The following CSE1L variants were observed in gnomAD, a reference collection of about 807,000 sequenced individuals.
CSE1L encodes exportin-2.
Under a neutral mutation model 120.4 loss-of-function variants are expected in CSE1L, and 24 were observed. The observed-to-expected ratio is 0.20, with a 90% CI of 0.14 to 0.28. The LOEUF is 0.28. CSE1L is among the 10% of genes least tolerant of loss of function. The pLI, the probability that CSE1L is intolerant of heterozygous loss-of-function variation, is 1.00. For missense variants in CSE1L, 830 were observed against 1,145.2 expected (o/e 0.72, Z 3.97); for synonymous variants, 402 against 398.3 (o/e 1.01, Z -0.11).
intron 14 of CSE1L, among the ~76,000 whole-genome samples, chr20:49,081,278 G>A (rs372609757): frequency 4.6e-5 from 7 of 151,636 alleles, no homozygotes; most frequent in East Asian, 3.9e-4. Context: ...GAGCTACCAC[G>A]CCCGGCCCAT....
At chr20:49,086,359 CTTTTTT>C (rs10648977) in intron 16 of CSE1L, among the ~76,000 whole-genome samples, 10 of 77,642 alleles carry the variant, frequency 1.3e-4, no homozygotes, top group East Asian at 3.4e-4. Context: ...GTTTAATGTC[CTTTTTT>C]TTTTTTTTTT....
chr20:49,047,885 T>G (rs951948578), intron 1 of CSE1L, among the ~76,000 whole-genome samples: 2 of 152,186 alleles, frequency 1.3e-5, no homozygotes, highest in Admixed American at 6.6e-5. Flanking sequence ...TTACTAACAC[T>G]TACTTATTGC....
intron 7 of CSE1L, among the ~76,000 whole-genome samples, chr20:49,069,999 A>T (rs755543065): frequency 4.6e-5 from 7 of 152,216 alleles, no homozygotes; most frequent in Non-Finnish European, 1.0e-4. Context: ...AGGTGGCATC[A>T]TTTATAGCAT....
At chr20:49,061,922 G>A (rs2091856446) in intron 2 of CSE1L, among the ~76,000 whole-genome samples, 2 of 152,098 alleles carry the variant, frequency 1.3e-5, no homozygotes, top group Non-Finnish European at 2.9e-5. Context: ...CTCAGGGATC[G>A]AGACTGACTG....
At chr20:49,054,448 T>A (rs1272433960) in intron 1 of CSE1L, among the ~76,000 whole-genome samples, 1 of 152,164 alleles carries the variant, frequency 6.6e-6, no homozygotes. Context: ...TGGTCAGCCG[T>A]CTGTCATTTC....
intron 2 of CSE1L, 33 bp downstream of exon 2, chr20:49,058,581 T>C (rs1337862054): frequency 4.5e-6 from 7 of 1,546,296 alleles, no homozygotes; most frequent in Non-Finnish European, 6.3e-6. Context: ...GGTTGATTAA[T>C]TCCTTCAGGA....
chr20:49,061,091 G>T lies in CSE1L; in HGVS notation c.86-2111G>T, dbSNP rs371195180. 9.9e-5 allele frequency among the ~76,000 whole-genome samples: 15 copies of T among 152,162 alleles called. 1 individual carries two copies. The highest frequency in any genetic ancestry group is 8.3e-4 in the South Asian group (4 of 4,824). ...TGTATAAAGAAGTAATGTGTTCCTGGATAAAGGGAAGTTAATGGCTCTAAT... is the reference window on the plus strand; with the variant it reads ...TGTATAAAGAAGTAATGTGTTCCTGTATAAAGGGAAGTTAATGGCTCTAAT... On this transcript the variant is annotated intron_variant, in intron 2 of 24. Transcript: ENST00000262982.
At chr20:49,076,266 C>T (rs2091967678) in intron 12 of CSE1L, among the ~76,000 whole-genome samples, 1 of 152,214 alleles carries the variant, frequency 6.6e-6, no homozygotes, top group African/African-American at 2.4e-5. Flanking sequence ...TGGCTCACCG[C>T]AACCTCCGTT....
chr20:49,079,619 C>G (rs2091995361), intron 14 of CSE1L, among the ~76,000 whole-genome samples: 1 of 152,034 alleles, frequency 6.6e-6, no homozygotes, highest in African/African-American at 2.4e-5. Context: ...CACCTTGAAT[C>G]TCTCAGTATT....
At chr20:49,070,411 T>G in intron 8 of CSE1L, 114 bp downstream of exon 8, 1 of 586,630 alleles carries the variant, frequency 1.7e-6, no homozygotes. Context: ...TTCAATACTG[T>G]AATAATATTT....
chr20:49,087,872 G>A, intron 16 of CSE1L, 137 bp from the exon 17 acceptor site: 1 of 568,212 alleles, frequency 1.8e-6, no homozygotes, highest in East Asian at 3.2e-5. Flanking sequence ...ATTTTTAAAT[G>A]TAGAGAGCTA....
chr20:49,066,562 C>A, intron 5 of CSE1L, 52 bp downstream of exon 5: 1 of 1,491,668 alleles, frequency 6.7e-7, no homozygotes, highest in Non-Finnish European at 9.1e-7. Context: ...GTTTTATTTG[C>A]TTGTGTAAAC....
Position 49,073,407 on chromosome 20 carries a change from T to C in CSE1L, c.1066+710T>C, listed in dbSNP as rs2091946551. On this transcript the variant is annotated intron_variant, in intron 10 of 24. Transcript: ENST00000262982. The stretch of plus-strand genomic sequence containing the variant: ...TTAGTTTGTGCTTAAGGTTAAACTA[T>C]AGTGCTAAGAGCCTATATTTATAAA... Among the ~76,000 whole-genome samples, 5 of 152,236 alleles carry C rather than the reference T, an allele frequency of 3.3e-5. No individual in the cohort carries two copies. In the South Asian group the frequency reaches 1.0e-3, roughly 31 times the overall value.
At chr20:49,073,512 G>T (rs974932196) in intron 10 of CSE1L, among the ~76,000 whole-genome samples, 4 of 151,898 alleles carry the variant, frequency 2.6e-5, no homozygotes, top group Non-Finnish European at 5.9e-5. Context: ...TGGGGACAGG[G>T]TCTCACTGTG....
chr20:49,094,089 T>C (rs764292507), intron 22 of CSE1L, 51 bp from the exon 23 acceptor site: 2 of 1,155,734 alleles, frequency 1.7e-6, no homozygotes, highest in East Asian at 5.2e-5. Flanking sequence ...CATTTTACTA[T>C]TTCATTATAG....
At chr20:49,057,304 A>G (rs1409075922) in intron 1 of CSE1L, among the ~76,000 whole-genome samples, 1 of 152,206 alleles carries the variant, frequency 6.6e-6, no homozygotes, top group Non-Finnish European at 1.5e-5. Flanking sequence ...TCTGAACTCT[A>G]GAATTTATCT....
At chr20:49,085,562 AT>A (rs11471947) in intron 16 of CSE1L, among the ~76,000 whole-genome samples, 176 bp downstream of exon 16, 4,343 of 79,204 alleles carry the variant, frequency 0.055, 19 homozygotes, top group Non-Finnish European at 0.078. Flanking sequence ...ACTAACAATA[AT>A]TTTTTTTTTT....
intron 1 of CSE1L, among the ~76,000 whole-genome samples, chr20:49,050,984 A>G (rs937173915): frequency 5.9e-5 from 9 of 152,254 alleles, no homozygotes; most frequent in African/African-American, 1.9e-4. Flanking sequence ...TAGCTTTTTA[A>G]AATAGTACAA....
chr20:49,047,146 A>ACG (rs1268882981), intron 1 of CSE1L, among the ~76,000 whole-genome samples: 5 of 152,122 alleles, frequency 3.3e-5, no homozygotes, highest in Admixed American at 3.3e-4. Flanking sequence ...TTGGAATTAG[A>ACG]TCGCCTGGGT....
Sources: allele counts gnomAD v4.1 joint callset (sites outside exome capture counted in the v4.1 genomes callset), GRCh38; gene constraint gnomAD v4.1.1; transcripts MANE v1.5; gene names NCBI Gene and HGNC (gene_info 2026-07-23, HGNC 2026-07-21).